MED13L: variants seen among roughly 807,000 people sequenced by gnomAD.
MED13L encodes mediator of RNA polymerase II transcription subunit 13-like.
Under a neutral mutation model 220.9 loss-of-function variants are expected in MED13L, and 7 were observed. The observed-to-expected ratio is 0.03, with a 90% CI of 0.02 to 0.06. The LOEUF is 0.06. MED13L is among the 10% of genes least tolerant of loss of function. The probability of loss-of-function intolerance (pLI) is 1.00; values close to 1 mark genes in which losing one functional copy is unlikely to be tolerated. For synonymous variants in MED13L, 1,011 were observed against 1,015.2 expected, an observed-to-expected ratio of 1.00 and a Z score of 0.08; for missense variants, 1,965 against 2,760.5, an observed-to-expected ratio of 0.71 and a Z score of 6.46.
chr12:116,010,880 T>C (rs1440397226), intron 9 of MED13L, among the ~76,000 whole-genome samples: 1 of 151,942 alleles, frequency 6.6e-6, no homozygotes, highest in African/African-American at 2.4e-5. Flanking sequence ...TTAAGGATTT[T>C]TCTTTTTTTT....
At chr12:116,220,829 T>C (rs1444542625) in intron 2 of MED13L, among the ~76,000 whole-genome samples, 1 of 152,188 alleles carries the variant, frequency 6.6e-6, no homozygotes, top group Non-Finnish European at 1.5e-5. Flanking sequence ...ATTTTAGGCA[T>C]AATACTTAGT....
chr12:115,979,598 T>G (rs1440252344), intron 23 of MED13L, among the ~76,000 whole-genome samples: 1 of 152,220 alleles, frequency 6.6e-6, no homozygotes, highest in African/African-American at 2.4e-5. Context: ...TGTTAACTAC[T>G]TGCATCATTT....
intron 2 of MED13L, among the ~76,000 whole-genome samples, chr12:116,161,593 G>A (rs541579040): frequency 6.6e-6 from 1 of 152,130 alleles, no homozygotes; most frequent in Admixed American, 6.6e-5. Flanking sequence ...CCCCGTCAAA[G>A]TGAGCCCACA....
chr12:116,193,006 T>A (rs976411537), intron 2 of MED13L, among the ~76,000 whole-genome samples: 1 of 152,168 alleles, frequency 6.6e-6, no homozygotes, highest in Non-Finnish European at 1.5e-5. Context: ...CACGTGCCTG[T>A]AGTCCCAGCT....
rs181945809 is a variant in MED13L, at chr12:116,215,268, C to T, written c.310+22200G>A. ...CCTCTAAGTGAACATTCTTTGTTTC[C>T]TTCGCAGGTGACAAAACCATATTAC... On this transcript the variant is annotated intron_variant, in intron 2 of 30. Coordinates refer to ENST00000281928, the MANE Select transcript of MED13L (RefSeq NM_015335.5). Among the ~76,000 whole-genome samples, 83 of 152,228 alleles carry T rather than the reference C, an allele frequency of 5.5e-4. 1 individual carries two copies. Among genetic ancestry groups the T allele is most frequent in the African/African-American group, 1.8e-3 (74 of 41,550 alleles).
intron 15 of MED13L, 43 bp downstream of exon 15, chr12:115,996,967 G>A (rs1274337633): frequency 1.3e-6 from 2 of 1,564,434 alleles, no homozygotes; most frequent in Non-Finnish European, 1.8e-6. Flanking sequence ...GAATCCACTT[G>A]GAAACTGCTC....
chr12:116,177,656 A>G (rs1376928671), intron 2 of MED13L, among the ~76,000 whole-genome samples: 1 of 152,220 alleles, frequency 6.6e-6, no homozygotes, highest in Non-Finnish European at 1.5e-5. Flanking sequence ...TTTTTAAGAT[A>G]GGCCTCTTTC....
At chr12:116,079,679 C>T (rs1404651055) in intron 4 of MED13L, among the ~76,000 whole-genome samples, 2 of 152,090 alleles carry the variant, frequency 1.3e-5, no homozygotes, top group African/African-American at 2.4e-5. Flanking sequence ...GCTGGGACTA[C>T]AAGCGTGTAC....
At chr12:116,257,392 A>G (rs762851074) in intron 1 of MED13L, among the ~76,000 whole-genome samples, 2 of 152,194 alleles carry the variant, frequency 1.3e-5, no homozygotes, top group Non-Finnish European at 2.9e-5. Context: ...AAGGCCTTGA[A>G]GTATGGCCAG....
At chr12:115,961,808 T>TA (rs1382099064) in intron 30 of MED13L, among the ~76,000 whole-genome samples, 2 of 151,920 alleles carry the variant, frequency 1.3e-5, no homozygotes, top group African/African-American at 4.8e-5. Flanking sequence ...CCATCTCTAT[T>TA]AAAAATACAA....
intron 1 of MED13L, 71 bp from the exon 2 acceptor site, chr12:116,237,776 C>A: frequency 7.8e-7 from 1 of 1,289,934 alleles, no homozygotes; most frequent in Non-Finnish European, 1.1e-6. Flanking sequence ...GTCTTCCATA[C>A]AGAAAAGCAA....
Position 115,994,331 on chromosome 12 carries a change from T to C in MED13L, c.2996+2145A>G, listed in dbSNP as rs981696500. On this transcript the variant is annotated intron_variant, in intron 16 of 30. Coordinates refer to ENST00000281928, the MANE Select transcript of MED13L (RefSeq NM_015335.5). ...TGGGTGTGGTGGCACGTGCCTGTAG[T>C]CCCAGCTACTCAGGAGGCTGATGTG... Among the ~76,000 whole-genome samples, 21 of 152,222 alleles carry C rather than the reference T, an allele frequency of 1.4e-4. No individual in the cohort carries two copies. The East Asian group carries it at 4.1e-3, about 29-fold the overall frequency.
chr12:116,095,119 G>A (rs1450814408), intron 4 of MED13L, among the ~76,000 whole-genome samples: 2 of 152,186 alleles, frequency 1.3e-5, no homozygotes, highest in Non-Finnish European at 2.9e-5. Context: ...CCGAGATCAC[G>A]CCACTGGCAC....
intron 4 of MED13L, among the ~76,000 whole-genome samples, chr12:116,037,340 C>A (rs1465618496): frequency 2.6e-5 from 4 of 152,094 alleles, no homozygotes; most frequent in African/African-American, 9.7e-5. Flanking sequence ...GTTTTATGCA[C>A]AAAAATATTT....
intron 2 of MED13L, among the ~76,000 whole-genome samples, chr12:116,203,449 T>TA (rs1593161249): frequency 6.6e-6 from 1 of 150,412 alleles, no homozygotes; most frequent in Non-Finnish European, 1.5e-5. Flanking sequence ...AAAATAAAAA[T>TA]AAAAAAACAG....
At position 115,961,311 on chromosome 12, in the gene MED13L, A is replaced by T. The variant is rs1283644392; in HGVS notation, c.6588T>A (p.Phe2196Leu). The change falls in exon 31 of 31, where the codon TTT (phenylalanine) becomes TTA (leucine). Residue 2196 changes from phenylalanine to leucine, a missense_variant. Phe to Leu is a conservative substitution (Grantham distance 22). Around this residue, in one of 10 missense-constraint regions of MED13L, gnomAD observed 145 missense variants for 328.3 expected, o/e 0.44. Transcript: ENST00000281928. The stretch of plus-strand genomic sequence containing the variant: ...CATTGTACAACTGAGTGAGCACCAC[A>T]AAGTGGACGGGAAGGCAGGAAGTAC... ...QDRTSCLPVH[F>L]VVLTQLYNAI... 1 of 1,614,100 alleles carries T rather than the reference A, an allele frequency of 6.2e-7. No homozygotes were observed. Among genetic ancestry groups the T allele is most frequent in the Non-Finnish European group, 8.5e-7 (1 of 1,180,032 alleles).
At chr12:116,119,829 AAAAAAAAAAATAT>A (rs1384401559) in intron 2 of MED13L, among the ~76,000 whole-genome samples, 45 of 114,786 alleles carry the variant, frequency 3.9e-4, no homozygotes, top group Admixed American at 7.2e-4. Context: ...AAAAAAAAAA[AAAAAAAAAAATAT>A]ATATATATAT....
At position 115,991,354 on chromosome 12, in the gene MED13L, G is replaced by C. The variant is rs200440055; in HGVS notation, c.3600C>G (p.Arg1200=). 3.7e-6 allele frequency: 6 copies of C among 1,613,966 alleles called. No individual in the cohort carries two copies. The highest frequency in any genetic ancestry group is 1.7e-5 in the Admixed American group (1 of 60,010). ...GGAAGGTGGACTGACACATCATTAA[G>C]CGCCTCTCTGCAGCCTGACCAATAT... ...NSDIGQAAER[R]LMMCQSTFLP... The change falls in exon 17 of 31, where the codon CGC becomes CGG. Residue 1200 remains arginine, a synonymous_variant. Coordinates refer to ENST00000281928, the MANE Select transcript of MED13L (RefSeq NM_015335.5). The surrounding 1 kb of genome is among the most constrained non-coding windows in gnomAD (Gnocchi z 7.7).
intron 2 of MED13L, among the ~76,000 whole-genome samples, chr12:116,206,139 G>C (rs568782152): frequency 7.5e-6 from 1 of 134,224 alleles, no homozygotes; most frequent in African/African-American, 2.9e-5. Context: ...GGAGTACAGT[G>C]GCGTGATCTT....
Sources: gnomAD v4.1 joint callset for allele counts (sites outside exome capture counted in the v4.1 genomes callset) on GRCh38, gnomAD v4.1.1 for gene constraint, gnomAD v4.1.1 regional missense constraint, Gnocchi (gnomAD v3.1) non-coding constraint, MANE v1.5 for transcripts, NCBI Gene and HGNC (gene_info 2026-07-23, HGNC 2026-07-21) for gene names.